CACNA1A: variants seen among roughly 807,000 people sequenced by gnomAD.
CACNA1A encodes the protein calcium voltage-gated channel subunit alpha1 A, also known as voltage-dependent P/Q-type calcium channel subunit alpha-1A.
A neutral mutation model predicts 262.4 loss-of-function variants in CACNA1A; 57 were observed. That is an observed-to-expected ratio of 0.22 (90% CI 0.18 to 0.27). The LOEUF (loss-of-function observed/expected upper bound fraction) is 0.27, where lower values mean the gene tolerates loss of function less well. CACNA1A is among the 10% of genes least tolerant of loss of function. The probability of loss-of-function intolerance (pLI) is 1.00; values close to 1 mark genes in which losing one functional copy is unlikely to be tolerated. For synonymous variants in CACNA1A, 1,431 were observed against 1,419.3 expected, an observed-to-expected ratio of 1.01 and a Z score of -0.18; for missense variants, 2,526 against 3,562.8, an observed-to-expected ratio of 0.71 and a Z score of 7.41.
intron 31 of CACNA1A, among the ~76,000 whole-genome samples, chr19:13,238,314 C>T (rs778889869): frequency 6.6e-6 from 1 of 152,144 alleles, no homozygotes; most frequent in Non-Finnish European, 1.5e-5. Flanking sequence ...GGACACAGCC[C>T]CTGGAAGACA....
At chr19:13,319,589 C>G (rs999285755) in intron 10 of CACNA1A, among the ~76,000 whole-genome samples, 7 of 152,178 alleles carry the variant, frequency 4.6e-5, no homozygotes, top group Non-Finnish European at 1.0e-4. Context: ...CAGCAAAATT[C>G]TCAACAGAGA....
intron 17 of CACNA1A, among the ~76,000 whole-genome samples, chr19:13,300,861 G>C (rs182450868): frequency 3.5e-4 from 53 of 152,136 alleles, no homozygotes; most frequent in African/African-American, 1.3e-3. Context: ...TCATTATGAA[G>C]CCTATTTTAA....
intron 3 of CACNA1A, among the ~76,000 whole-genome samples, chr19:13,447,110 A>T (rs117865744): frequency 6.6e-6 from 1 of 152,210 alleles, no homozygotes; most frequent in Non-Finnish European, 1.5e-5. Flanking sequence ...GGAGAAGGGG[A>T]TGTGAAAGGA....
At chr19:13,296,242 G>T (rs563908064) in intron 19 of CACNA1A, among the ~76,000 whole-genome samples, 1 of 152,220 alleles carries the variant, frequency 6.6e-6, no homozygotes, top group African/African-American at 2.4e-5. Context: ...GATCCCTGGG[G>T]ATTCACATAC....
At chr19:13,319,413 C>T (rs146296576) in intron 10 of CACNA1A, among the ~76,000 whole-genome samples, 8 of 152,274 alleles carry the variant, frequency 5.3e-5, no homozygotes, top group Middle Eastern at 3.4e-3. Context: ...TCCATCCATT[C>T]GCTCATCCAT....
intron 1 of CACNA1A, among the ~76,000 whole-genome samples, chr19:13,498,769 TG>T (rs1981990755): frequency 6.6e-6 from 1 of 152,276 alleles, no homozygotes; most frequent in Non-Finnish European, 1.5e-5. Context: ...CCCCCTTTCT[TG>T]GTCAACGGCA....
chr19:13,345,829 C>A (rs1027579201), intron 6 of CACNA1A, among the ~76,000 whole-genome samples: 1 of 151,204 alleles, frequency 6.6e-6, no homozygotes, highest in Non-Finnish European at 1.5e-5. Flanking sequence ...TGCTCTTTTT[C>A]CCCTTTCACT....
At chr19:13,208,273 GAGAC>G (rs1249018496) in intron 46 of CACNA1A, among the ~76,000 whole-genome samples, 1 of 148,034 alleles carries the variant, frequency 6.8e-6, no homozygotes, top group Non-Finnish European at 1.5e-5. Flanking sequence ...GAGGGGGAGT[GAGAC>G]AGGGAGGGGA....
intron 24 of CACNA1A, among the ~76,000 whole-genome samples, chr19:13,271,127 A>AT (rs56809461): frequency 1 from 151,528 of 151,772 alleles, 75,643 homozygotes; most frequent in Middle Eastern, 1. Flanking sequence ...TTGTAGGCCA[A>AT]TTTGAATGCC....
chr19:13,320,237 C>CGAGAGAGA lies in CACNA1A; in HGVS notation c.1346-2924_1346-2917dup, dbSNP rs146095824. ...GGGACAGGGGGGATGTTCCACAGAT[C>CGAGAGAGA]GAGAGAGAGAGAGAGAGAGAGAGAG... On this transcript the variant is annotated intron_variant, in intron 10 of 46. Coordinates refer to ENST00000360228, the MANE Select transcript of CACNA1A (RefSeq NM_001127222.2). Among the ~76,000 whole-genome samples, 834 of 127,200 alleles carry CGAGAGAGA rather than the reference C, an allele frequency of 6.6e-3. 16 individuals carry two copies. Among genetic ancestry groups the CGAGAGAGA allele is most frequent in the East Asian group, 0.021 (84 of 3,948 alleles). 83.4% of individuals were successfully genotyped at this position (127,200 alleles called of 152,430 possible).
intron 7 of CACNA1A, among the ~76,000 whole-genome samples, chr19:13,335,144 T>G (rs1309692358): frequency 6.6e-6 from 1 of 152,226 alleles, no homozygotes; most frequent in East Asian, 1.9e-4. Flanking sequence ...CTAATAATTA[T>G]TTCAGCCCTC....
intron 1 of CACNA1A, among the ~76,000 whole-genome samples, chr19:13,474,039 C>A (rs1599335516): frequency 6.6e-6 from 1 of 152,216 alleles, no homozygotes; most frequent in Admixed American, 6.5e-5. Flanking sequence ...GAAGCTTTAT[C>A]ATTAAAAAAT....
At chr19:13,310,632 T>C (rs1600298852) in intron 12 of CACNA1A, among the ~76,000 whole-genome samples, 1 of 150,084 alleles carries the variant, frequency 6.7e-6, no homozygotes, top group Non-Finnish European at 1.5e-5. Flanking sequence ...TTCATTCCTG[T>C]TGTTGGGCAT....
intron 34 of CACNA1A, among the ~76,000 whole-genome samples, chr19:13,233,880 C>T (rs2055759897): frequency 6.6e-6 from 1 of 152,050 alleles, no homozygotes; most frequent in Non-Finnish European, 1.5e-5. Flanking sequence ...GGGATGTTAG[C>T]TTCCAAAGTG....
chr19:13,336,044 C>G, intron 6 of CACNA1A, 135 bp from the exon 7 acceptor site: 1 of 572,572 alleles, frequency 1.7e-6, no homozygotes, highest in Non-Finnish European at 3.1e-6. Flanking sequence ...TTCTGGGGCT[C>G]TGGCATCCCA....
intron 10 of CACNA1A, among the ~76,000 whole-genome samples, chr19:13,323,121 T>C (rs2058288467): frequency 6.6e-6 from 1 of 152,110 alleles, no homozygotes; most frequent in African/African-American, 2.4e-5. Context: ...TAGCTGGGCA[T>C]GGTGGCGTGT....
At chr19:13,461,376 A>AAAACAAAACAAAAC (rs1555790459) in intron 1 of CACNA1A, among the ~76,000 whole-genome samples, 1 of 130,546 alleles carries the variant, frequency 7.7e-6, no homozygotes, top group East Asian at 2.0e-4. Context: ...AAAACAAAAC[A>AAAACAAAACAAAAC]AAACAAAAAT....
chr19:13,338,544 G>A (rs949384255), intron 6 of CACNA1A, among the ~76,000 whole-genome samples: 1 of 121,294 alleles, frequency 8.2e-6, no homozygotes, highest in Non-Finnish European at 1.8e-5. Flanking sequence ...ATCAATAGGA[G>A]AGAGAGGATA....
intron 6 of CACNA1A, among the ~76,000 whole-genome samples, chr19:13,339,077 G>T (rs1026410142): frequency 1.3e-5 from 2 of 152,094 alleles, no homozygotes; most frequent in Non-Finnish European, 2.9e-5. Flanking sequence ...TGTTGGTCAG[G>T]CTGGTCTTGA....
Sources: gnomAD v4.1 joint callset for allele counts (sites outside exome capture counted in the v4.1 genomes callset) on GRCh38, gnomAD v4.1.1 for gene constraint, MANE v1.5 for transcripts, NCBI Gene and HGNC (gene_info 2026-07-23, HGNC 2026-07-21) for gene names.